Variants in COLEC12 observed in about 807,000 individuals in gnomAD.
COLEC12 encodes the protein collectin-12.
A neutral mutation model predicts 71.1 loss-of-function variants in COLEC12; 33 were observed. That is an observed-to-expected ratio of 0.46 (90% CI 0.35 to 0.62). COLEC12 has a LOEUF of 0.62. COLEC12 is among the 20% of genes least tolerant of loss of function. The pLI is 0.00. For missense variants in COLEC12, 765 were observed against 916.1 expected, an observed-to-expected ratio of 0.84 and a Z score of 2.13; for synonymous variants, 350 against 353.0, an observed-to-expected ratio of 0.99 and a Z score of 0.10.
At chr18:359,732 C>T (rs1914702789) in intron 2 of COLEC12, among the ~76,000 whole-genome samples, 1 of 152,144 alleles carries the variant, frequency 6.6e-6, no homozygotes, top group South Asian at 2.1e-4. Context: ...GTTTTCCTGA[C>T]CTGTTTCCCT....
At chr18:411,462 A>G (rs1915892254) in intron 2 of COLEC12, among the ~76,000 whole-genome samples, 1 of 152,236 alleles carries the variant, frequency 6.6e-6, no homozygotes, top group African/African-American at 2.4e-5. Flanking sequence ...TCAATGAGCA[A>G]TTATTAATAT....
chr18:447,804 A>T (rs941380754), intron 2 of COLEC12, among the ~76,000 whole-genome samples: 1 of 152,246 alleles, frequency 6.6e-6, no homozygotes, highest in Admixed American at 6.5e-5. Flanking sequence ...TTTACTAAGC[A>T]TAAAGCTATT....
intron 2 of COLEC12, among the ~76,000 whole-genome samples, chr18:455,053 C>T (rs575529383): frequency 6.6e-6 from 1 of 152,262 alleles, no homozygotes; most frequent in Non-Finnish European, 1.5e-5. Flanking sequence ...ACATTCCCAT[C>T]CCCTCACCAG....
intron 2 of COLEC12, among the ~76,000 whole-genome samples, chr18:428,927 G>C (rs1916248239): frequency 6.6e-6 from 1 of 152,262 alleles, no homozygotes; most frequent in Admixed American, 6.5e-5. Flanking sequence ...TTTATAAAAG[G>C]TATTTTTTAA....
chr18:365,140 A>C (rs1021029714), intron 2 of COLEC12, among the ~76,000 whole-genome samples: 6 of 152,210 alleles, frequency 3.9e-5, no homozygotes, highest in African/African-American at 1.4e-4. Flanking sequence ...CTTTCTCAGA[A>C]ATAAGCAATA....
intron 1 of COLEC12, among the ~76,000 whole-genome samples, chr18:489,868 G>T (rs1219991271): frequency 2.6e-5 from 4 of 152,160 alleles, no homozygotes; most frequent in Non-Finnish European, 5.9e-5. Context: ...AAGGAAGTCT[G>T]TATATAATAC....
In COLEC12 at chr18:500,403, CGCAGCCCAAGGGAAGGTTCGCG is replaced by C; in HGVS notation, c.7+83_7+104del. 1 of 810,008 alleles carries C rather than the reference CGCAGCCCAAGGGAAGGTTCGCG, an allele frequency of 1.2e-6. No homozygotes were observed. The highest frequency in any genetic ancestry group is 1.6e-6 in the Non-Finnish European group (1 of 611,484). The allele number at this position is 810,008 out of a possible 1,614,324, so 50.2% of individuals were successfully genotyped here. Reference sequence around the variant, plus strand: ...CCTGGCAGCCCCGACTCCCCGGGCCCGCAGCCCAAGGGAAGGTTCGCGCGGGAGGCACCTCCGTGGCCTCCCG... The same window carrying C: ...CCTGGCAGCCCCGACTCCCCGGGCCCCGGGAGGCACCTCCGTGGCCTCCCG... On this transcript the variant is annotated intron_variant, in intron 1 of 9. Transcript: ENST00000400256. The surrounding 1 kb of genome is among the most constrained non-coding windows in gnomAD (Gnocchi z 5.3).
intron 2 of COLEC12, among the ~76,000 whole-genome samples, chr18:372,627 C>T (rs980612569): frequency 1.4e-4 from 21 of 151,926 alleles, no homozygotes; most frequent in African/African-American, 4.8e-4. Flanking sequence ...CATATTGCCC[C>T]GGCTGGTCTC....
intron 2 of COLEC12, among the ~76,000 whole-genome samples, chr18:382,717 T>C (rs1487102766): frequency 2.0e-5 from 3 of 152,214 alleles, no homozygotes; most frequent in Admixed American, 2.0e-4. Flanking sequence ...GTGAATACAG[T>C]ATAGGTGGCA....
chr18:412,525 G>C (rs1378162813), intron 2 of COLEC12, among the ~76,000 whole-genome samples: 1 of 151,490 alleles, frequency 6.6e-6, no homozygotes, highest in African/African-American at 2.4e-5. Flanking sequence ...TCAATATTAG[G>C]AAGGAAGAAC....
intron 2 of COLEC12, among the ~76,000 whole-genome samples, chr18:463,029 C>T (rs777374050): frequency 2.1e-4 from 32 of 152,108 alleles, no homozygotes; most frequent in Non-Finnish European, 1.9e-4. Context: ...TCAGGAGAAG[C>T]GGGGGAGTCA....
At chr18:496,337 T>C (rs1219120297) in intron 1 of COLEC12, among the ~76,000 whole-genome samples, 1 of 152,176 alleles carries the variant, frequency 6.6e-6, no homozygotes, top group African/African-American at 2.4e-5. Context: ...AGAAGATGTA[T>C]ACTTAGCAAT....
intron 1 of COLEC12, among the ~76,000 whole-genome samples, chr18:494,304 T>C (rs758435319): frequency 6.6e-6 from 1 of 152,248 alleles, no homozygotes; most frequent in African/African-American, 2.4e-5. Context: ...ACTGATTAAA[T>C]GAACATAGAT....
intron 1 of COLEC12, among the ~76,000 whole-genome samples, chr18:492,106 T>G (rs1031138326): frequency 2.6e-5 from 4 of 152,234 alleles, no homozygotes; most frequent in African/African-American, 9.6e-5. Context: ...TACTTGTAGA[T>G]TATTTTAAAG....
chr18:384,178 T>C (rs570434839), intron 2 of COLEC12, among the ~76,000 whole-genome samples: 1 of 152,234 alleles, frequency 6.6e-6, no homozygotes, highest in South Asian at 2.1e-4. Flanking sequence ...TAAATCTTGA[T>C]GCTTAGACCA....
intron 8 of COLEC12, among the ~76,000 whole-genome samples, chr18:326,747 T>C (rs1431849145): frequency 6.6e-6 from 1 of 152,232 alleles, no homozygotes; most frequent in African/African-American, 2.4e-5. Context: ...GAAAAGAATA[T>C]GTATTTGCAG....
chr18:460,790 TCTACCGGTCA>T (rs11278385), intron 2 of COLEC12, among the ~76,000 whole-genome samples: 122,213 of 151,726 alleles, frequency 0.81, 49,481 homozygotes, highest in East Asian at 0.99. Flanking sequence ...GTCTGCAGTG[TCTACCGGTCA>T]CTCTCCTGGG....
At chr18:407,586 T>C (rs35213525) in intron 2 of COLEC12, among the ~76,000 whole-genome samples, 18,475 of 152,290 alleles carry the variant, frequency 0.12, 1,187 homozygotes, top group African/African-American at 0.15. Flanking sequence ...AGAATCAGCC[T>C]TTTTGTTTTA....
intron 2 of COLEC12, among the ~76,000 whole-genome samples, chr18:427,006 C>G (rs779617334): frequency 6.6e-6 from 1 of 152,220 alleles, no homozygotes; most frequent in Admixed American, 6.5e-5. Flanking sequence ...ACACTTGTGT[C>G]CCTCTGGGAT....
Sources: gnomAD v4.1 joint callset for allele counts (sites outside exome capture counted in the v4.1 genomes callset) on GRCh38, gnomAD v4.1.1 for gene constraint, Gnocchi (gnomAD v3.1) non-coding constraint, MANE v1.5 for transcripts, NCBI Gene and HGNC (gene_info 2026-07-23, HGNC 2026-07-21) for gene names.